ITGA8: variants seen among roughly 807,000 people sequenced by gnomAD.
ITGA8 encodes the protein integrin subunit alpha 8.
Under a neutral mutation model 142.3 loss-of-function variants are expected in ITGA8, and 91 were observed. The ratio of observed to expected loss-of-function variants is 0.64; its 90% confidence interval spans 0.54 to 0.76. The LOEUF is 0.76. Ranked by LOEUF, ITGA8 falls within the 30% of genes least tolerant of loss-of-function variation. The pLI is 0.00. For missense variants in ITGA8, 1,406 were observed against 1,327.7 expected (o/e 1.06, Z -0.92); for synonymous variants, 505 against 485.2 (o/e 1.04, Z -0.54).
At chr10:15,655,497 G>T in intron 10 of ITGA8, 91 bp from the exon 11 acceptor site, 1 of 906,148 alleles carries the variant, frequency 1.1e-6, no homozygotes, top group Non-Finnish European at 1.8e-6. Context: ...TCATCTCATT[G>T]TGGTACATTT....
chr10:15,630,932 C>G (rs1339126679), intron 13 of ITGA8, among the ~76,000 whole-genome samples: 1 of 151,962 alleles, frequency 6.6e-6, no homozygotes, highest in African/African-American at 2.4e-5. Context: ...TGATGCTGAG[C>G]TTTTTTTCAT....
At chr10:15,616,433 A>G in intron 14 of ITGA8, 81 bp downstream of exon 14, 9 of 1,037,772 alleles carry the variant, frequency 8.7e-6, no homozygotes, top group East Asian at 2.4e-5. Context: ...AAATCGTTGG[A>G]ATGCTCTCTT....
Position 15,606,437 on chromosome 10 carries a change from C to G in ITGA8, c.1765-15G>C. 1 of 1,582,526 alleles carries G rather than the reference C, an allele frequency of 6.3e-7. No individual in the cohort carries two copies. The highest frequency in any genetic ancestry group is 8.7e-7 in the Non-Finnish European group (1 of 1,155,538). On this transcript the variant is annotated splice_polypyrimidine_tract_variant and intron_variant, in intron 17 of 29. Coordinates refer to ENST00000378076, the MANE Select transcript of ITGA8 (RefSeq NM_003638.3). ...TCAGTTTCATCCTAGGAAAAATAAT[C>G]ACAAACTCAACAGAGGCTCCATGAA...
Position 15,592,383 on chromosome 10 carries a change from C to A in ITGA8, c.2212-79G>T. 3 of 1,046,438 alleles carry A rather than the reference C, an allele frequency of 2.9e-6. No individual in the cohort carries two copies. The South Asian group carries it at 4.2e-5, about 15-fold the overall frequency. 64.8% of individuals were successfully genotyped at this position (1,046,438 alleles called of 1,614,324 possible). A position where few individuals can be genotyped will look rare whatever the true frequency, so the allele number is the denominator to read the frequency against. On this transcript the variant is annotated intron_variant, in intron 21 of 29. Coordinates refer to ENST00000378076, the MANE Select transcript of ITGA8 (RefSeq NM_003638.3). ...TTTTGTAAGTCATTCCTGCAAAACC[C>A]CACCCTGGATCACTGTAACTCTTTC...
intron 4 of ITGA8, among the ~76,000 whole-genome samples, chr10:15,683,469 G>A (rs1038225379): frequency 2.6e-5 from 4 of 152,178 alleles, no homozygotes; most frequent in African/African-American, 9.7e-5. Flanking sequence ...ACTGCCAGAT[G>A]AGATTTGAAC....
intron 21 of ITGA8, among the ~76,000 whole-genome samples, chr10:15,595,922 T>C (rs975434800): frequency 2.0e-5 from 3 of 152,114 alleles, no homozygotes; most frequent in Non-Finnish European, 4.4e-5. Flanking sequence ...CATGTTGGCA[T>C]GCACCTGTAA....
intron 25 of ITGA8, among the ~76,000 whole-genome samples, chr10:15,569,647 G>T (rs1336514212): frequency 6.6e-6 from 1 of 152,080 alleles, no homozygotes; most frequent in Non-Finnish European, 1.5e-5. Flanking sequence ...TCAAACTCCT[G>T]GCCTTACGTG....
intron 23 of ITGA8, among the ~76,000 whole-genome samples, chr10:15,585,049 A>G (rs1341628871): frequency 2.6e-5 from 4 of 152,172 alleles, no homozygotes; most frequent in Admixed American, 2.0e-4. Flanking sequence ...AAAGTAAAAT[A>G]AGATAAACGA....
intron 27 of ITGA8, among the ~76,000 whole-genome samples, chr10:15,539,968 C>G (rs1425580408): frequency 6.6e-6 from 1 of 152,076 alleles, no homozygotes; most frequent in Non-Finnish European, 1.5e-5. Context: ...AATGGGAGTT[C>G]CCCTGCACAT....
At chr10:15,717,998 A>G (rs1835485129) in intron 2 of ITGA8, among the ~76,000 whole-genome samples, 1 of 152,260 alleles carries the variant, frequency 6.6e-6, no homozygotes, top group Non-Finnish European at 1.5e-5. Context: ...CTGGAAAGAG[A>G]TATTTGCTTT....
chr10:15,557,370 ACT>A (rs1409872407), intron 26 of ITGA8, among the ~76,000 whole-genome samples: 3 of 151,974 alleles, frequency 2.0e-5, no homozygotes, highest in Non-Finnish European at 2.9e-5. Flanking sequence ...ACAGAGCAAA[ACT>A]CTGTCTCCGA....
chr10:15,514,023 C>T lies in ITGA8; in HGVS notation c.*3135G>A, dbSNP rs1588618373. 6.6e-6 allele frequency: 1 copy of T among 152,068 alleles called. No individual in the cohort carries two copies. Among genetic ancestry groups the T allele is most frequent in the African/African-American group, 2.4e-5 (1 of 41,392 alleles). The allele number at this position is 152,068 out of a possible 1,614,324, so 9.4% of individuals were successfully genotyped here. On this transcript the variant is annotated 3_prime_UTR_variant, in exon 30 of 30. Coordinates refer to ENST00000378076, the MANE Select transcript of ITGA8 (RefSeq NM_003638.3). ...GAAAATCTTCACAGATATCTACGCACGTATTTAAATAAAACAAGAGTCGAG... is the reference window on the plus strand; with the variant it reads ...GAAAATCTTCACAGATATCTACGCATGTATTTAAATAAAACAAGAGTCGAG...
intron 2 of ITGA8, among the ~76,000 whole-genome samples, chr10:15,697,603 T>C (rs888493192): frequency 1.3e-5 from 2 of 152,362 alleles, no homozygotes; most frequent in African/African-American, 4.8e-5. Context: ...TACTCAATTC[T>C]GCCCTGTAAC....
intron 8 of ITGA8, among the ~76,000 whole-genome samples, chr10:15,671,370 A>G (rs144518790): frequency 7.3e-4 from 111 of 152,322 alleles, no homozygotes; most frequent in African/African-American, 2.5e-3. Context: ...TTATGGCCCT[A>G]ATATTTTATT....
intron 4 of ITGA8, among the ~76,000 whole-genome samples, chr10:15,679,346 A>G (rs1287220978): frequency 1.3e-5 from 2 of 152,120 alleles, no homozygotes; most frequent in African/African-American, 4.8e-5. Flanking sequence ...GCACTTTGGG[A>G]GGCCAAGGTG....
intron 27 of ITGA8, among the ~76,000 whole-genome samples, chr10:15,543,521 A>G (rs774148597): frequency 8.5e-5 from 13 of 152,214 alleles, no homozygotes; most frequent in Non-Finnish European, 1.2e-4. Flanking sequence ...ATTTAGTGAT[A>G]ATGTCTAAGA....
chr10:15,546,907 A>C (rs1207866544), intron 27 of ITGA8, among the ~76,000 whole-genome samples: 1 of 152,118 alleles, frequency 6.6e-6, no homozygotes, highest in African/African-American at 2.4e-5. Context: ...AGATGGCTTC[A>C]CAATGACCTT....
intron 29 of ITGA8, among the ~76,000 whole-genome samples, chr10:15,518,344 C>T (rs1157893135): frequency 1.3e-5 from 2 of 152,134 alleles, no homozygotes; most frequent in Non-Finnish European, 2.9e-5. Flanking sequence ...ATCTTATACT[C>T]ATTGGAAATA....
chr10:15,635,002 TC>T (rs372053495), intron 13 of ITGA8, among the ~76,000 whole-genome samples: 2 of 148,998 alleles, frequency 1.3e-5, no homozygotes, highest in South Asian at 4.2e-4. Context: ...TTTCTTTCTT[TC>T]TTTTTTTTTT....
Sources: allele counts gnomAD v4.1 joint callset (sites outside exome capture counted in the v4.1 genomes callset), GRCh38; gene constraint gnomAD v4.1.1; transcripts MANE v1.5; gene names NCBI Gene and HGNC (gene_info 2026-07-23, HGNC 2026-07-21).